The following VTI1A variants were observed in gnomAD, a reference collection of about 807,000 sequenced individuals.
VTI1A encodes the protein vesicle transport through interaction with t-SNAREs homolog 1A.
A neutral mutation model predicts 34.9 loss-of-function variants in VTI1A; 22 were observed. The observed-to-expected ratio is 0.63, with a 90% confidence interval of 0.45 to 0.90. The LOEUF (loss-of-function observed/expected upper bound fraction) is 0.90, where lower values mean the gene tolerates loss of function less well. VTI1A is among the 40% of genes least tolerant of loss of function. VTI1A has a pLI of 0.00. For missense variants in VTI1A, 268 were observed against 275.6 expected (o/e 0.97, Z 0.20); for synonymous variants, 87 against 97.3 (o/e 0.89, Z 0.62).
intron 7 of VTI1A, among the ~76,000 whole-genome samples, chr10:112,677,977 CT>C (rs1848090019): frequency 2.0e-5 from 3 of 152,160 alleles, no homozygotes; most frequent in Non-Finnish European, 4.4e-5. Context: ...GGAAGAATGC[CT>C]AAAAATAGTT....
chr10:112,752,040 G>A (rs972224085), intron 7 of VTI1A, among the ~76,000 whole-genome samples: 6 of 152,182 alleles, frequency 3.9e-5, no homozygotes, highest in African/African-American at 1.4e-4. Flanking sequence ...TAATCAAAGA[G>A]TTCTTTTAAC....
At chr10:112,760,238 G>T (rs1404229714) in intron 7 of VTI1A, among the ~76,000 whole-genome samples, 2 of 152,186 alleles carry the variant, frequency 1.3e-5, no homozygotes, top group Non-Finnish European at 2.9e-5. Context: ...CCCTATTTAT[G>T]CTGTTTTTCC....
At chr10:112,617,047 C>A (rs1432152241) in intron 5 of VTI1A, among the ~76,000 whole-genome samples, 4 of 152,008 alleles carry the variant, frequency 2.6e-5, no homozygotes, top group Non-Finnish European at 1.5e-5. Flanking sequence ...AGAGACACAA[C>A]ACAGACCAAG....
At chr10:112,536,568 T>C (rs1850621722) in intron 4 of VTI1A, among the ~76,000 whole-genome samples, 1 of 152,036 alleles carries the variant, frequency 6.6e-6, no homozygotes, top group African/African-American at 2.4e-5. Flanking sequence ...TTCCTCTCTG[T>C]TTTATTTATT....
At chr10:112,758,472 G>A (rs1246842315) in intron 7 of VTI1A, among the ~76,000 whole-genome samples, 2 of 152,152 alleles carry the variant, frequency 1.3e-5, no homozygotes, top group East Asian at 1.9e-4. Flanking sequence ...ATCAGAACCC[G>A]TGGCACAGGG....
chr10:112,668,306 A>G lies in VTI1A; in HGVS notation c.498+18A>G. On this transcript the variant is annotated intron_variant, in intron 6 of 7. Coordinates refer to ENST00000393077, the MANE Select transcript of VTI1A (RefSeq NM_145206.4). ...GTGAAAGAGTAAGTACAATTGATAC[A>G]GTTTTTTCACATATTCAGTAAATGA... 1 of 1,609,740 alleles carries G rather than the reference A, an allele frequency of 6.2e-7. No homozygotes were observed. Among genetic ancestry groups the G allele is most frequent in the Non-Finnish European group, 8.5e-7 (1 of 1,177,342 alleles).
intron 2 of VTI1A, among the ~76,000 whole-genome samples, chr10:112,462,119 G>A (rs1847748362): frequency 3.3e-5 from 5 of 152,234 alleles, no homozygotes; most frequent in Admixed American, 3.3e-4. Flanking sequence ...CAAAGTGCTG[G>A]GATTACAGGC....
intron 5 of VTI1A, among the ~76,000 whole-genome samples, chr10:112,629,383 C>T (rs1846047397): frequency 6.6e-6 from 1 of 152,252 alleles, no homozygotes; most frequent in South Asian, 2.1e-4. Context: ...CGCCGTCATT[C>T]TTCCCATTCC....
At chr10:112,464,682 A>G (rs749447485) in intron 3 of VTI1A, 25 bp downstream of exon 3, 42 of 1,594,820 alleles carry the variant, frequency 2.6e-5, no homozygotes, top group Middle Eastern at 1.6e-4. Context: ...ACCCTTTGTC[A>G]TATTTACTTT....
intron 5 of VTI1A, among the ~76,000 whole-genome samples, chr10:112,595,523 A>G (rs1239015829): frequency 2.0e-5 from 3 of 152,248 alleles, no homozygotes; most frequent in Non-Finnish European, 2.9e-5. Context: ...ACACTTCTCA[A>G]AAGAAGATAT....
intron 5 of VTI1A, among the ~76,000 whole-genome samples, chr10:112,540,157 T>G (rs544904778): frequency 6.6e-6 from 1 of 152,320 alleles, no homozygotes; most frequent in East Asian, 1.9e-4. Context: ...AAACTATTCA[T>G]ATAGCTCCCT....
chr10:112,850,463 G>A, the VTI1A span, among the ~76,000 whole-genome samples: 21 of 151,892 alleles, frequency 1.4e-4, no homozygotes, highest in Non-Finnish European at 2.9e-4. Flanking sequence ...AGCAAAGAGA[G>A]GTCCACCTGA....
chr10:112,751,475 TAAAAAAAAAA>T (rs11411829), intron 7 of VTI1A, among the ~76,000 whole-genome samples: 2 of 100,980 alleles, frequency 2.0e-5, no homozygotes, highest in African/African-American at 7.6e-5. Context: ...ATTAACTGTT[TAAAAAAAAAA>T]AAAAAAAAAA....
intron 5 of VTI1A, among the ~76,000 whole-genome samples, chr10:112,651,854 T>C (rs1294041018): frequency 6.6e-6 from 1 of 152,300 alleles, no homozygotes; most frequent in East Asian, 1.9e-4. Context: ...CCAAGTCTGT[T>C]TTATCAAAGG....
chr10:112,591,555 C>T (rs1844393527), intron 5 of VTI1A, among the ~76,000 whole-genome samples: 1 of 143,970 alleles, frequency 6.9e-6, no homozygotes, highest in African/African-American at 2.5e-5. Flanking sequence ...AGAAGAGATA[C>T]TTTACTTAAA....
chr10:112,811,683 C>CAAAAAA (rs869030543), intron 7 of VTI1A, among the ~76,000 whole-genome samples: 6 of 11,840 alleles, frequency 5.1e-4, no homozygotes, highest in African/African-American at 1.7e-3. Flanking sequence ...GACTCCGTCT[C>CAAAAAA]AAAAAAAAAA....
chr10:112,757,350 G>GTTTTTTT (rs1477348323), intron 7 of VTI1A, among the ~76,000 whole-genome samples: 4 of 66,512 alleles, frequency 6.0e-5, no homozygotes, highest in Admixed American at 1.7e-4. Flanking sequence ...TTGTTGCTGT[G>GTTTTTTT]ATTTTTTTTT....
chr10:112,829,716 T>C, the VTI1A span, among the ~76,000 whole-genome samples: 1 of 152,192 alleles, frequency 6.6e-6, no homozygotes. Flanking sequence ...ATTGTGCCAC[T>C]GCACTCCAGC....
At chr10:112,520,317 A>T (rs1274132514) in intron 3 of VTI1A, among the ~76,000 whole-genome samples, 2 of 152,034 alleles carry the variant, frequency 1.3e-5, no homozygotes, top group African/African-American at 4.8e-5. Context: ...GCCACACCGT[A>T]TTCAATAGCA....
Sources: gnomAD v4.1 joint callset for allele counts (sites outside exome capture counted in the v4.1 genomes callset) on GRCh38, gnomAD v4.1.1 for gene constraint, MANE v1.5 for transcripts, NCBI Gene and HGNC (gene_info 2026-07-23, HGNC 2026-07-21) for gene names.